Variants in C16orf95 observed in about 807,000 individuals in gnomAD.
The protein encoded by C16orf95 is chromosome 16 open reading frame 95.
C16orf95 carries 41 observed loss-of-function variants against 32.1 expected under a neutral mutation model. The ratio of observed to expected loss-of-function variants is 1.28; its 90% CI spans 1.00 to 1.66. The LOEUF is 1.66. C16orf95 is among the 40% of genes most tolerant of loss of function. The pLI is 0.00. For missense variants in C16orf95, 399 were observed against 325.9 expected (o/e 1.22, Z -1.73); for synonymous variants, 147 against 128.9 (o/e 1.14, Z -0.95).
chr16:87,310,389 G>T (rs976233237), intron 4 of C16orf95, 56 bp from the exon 5 acceptor site: 2 of 1,518,144 alleles, frequency 1.3e-6, no homozygotes, highest in South Asian at 1.2e-5. Flanking sequence ...AAGGGGGAAG[G>T]CCTGGTGATT....
At chr16:87,308,708 G>A (rs2150649722) in intron 5 of C16orf95, among the ~76,000 whole-genome samples, 1 of 152,284 alleles carries the variant, frequency 6.6e-6, no homozygotes, top group East Asian at 1.9e-4. Context: ...GCAAAGCCAT[G>A]TTTTCACTCC....
chr16:87,311,223 C>T lies in C16orf95; in HGVS notation c.404G>A (p.Gly135Asp), dbSNP rs181101593. 7.1e-5 allele frequency: 109 copies of T among 1,535,792 alleles called. No individual in the cohort carries two copies. The Admixed American group carries it at 2.1e-3, about 29-fold the overall frequency. ...MCPCLCHRFG[G>D]RLPMPRDQAV... is the part of the protein sequence containing the mutation. Reference sequence around the variant, plus strand: ...CTGGTCCCTAGGCATCGGGAGGCGGCCCCCAAAGCGGTGGCATAGGCAGGG... The same window carrying T: ...CTGGTCCCTAGGCATCGGGAGGCGGTCCCCAAAGCGGTGGCATAGGCAGGG... The change falls in exon 4 of 7, where the codon GGC becomes GAC. Residue 135 changes from glycine to aspartate, a missense_variant. Gly to Asp is a moderately conservative substitution (Grantham distance 94, BLOSUM62 -1). Transcript: ENST00000567970.
At chr16:87,306,795 G>A (rs1326537555) in intron 5 of C16orf95, among the ~76,000 whole-genome samples, 1 of 152,096 alleles carries the variant, frequency 6.6e-6, no homozygotes, top group Non-Finnish European at 1.5e-5. Flanking sequence ...ATGGGTTTGA[G>A]GCTTGAAACA....
chr16:87,317,123 C>T lies in C16orf95; in HGVS notation c.120G>A (p.Arg40=), dbSNP rs1304160409. The stretch of plus-strand genomic sequence containing the variant: ...CCTGCGCGCTGGGTGTGAGTGCCAA[C>T]CTGCAGAGCCCGACGCACCCCGCGC... ...GPGAGCVGLC[R]LALTPSAQDG... The change falls in exon 1 of 7, where the codon AGG becomes AGA. Residue 40 remains arginine, a synonymous_variant. Transcript: ENST00000567970. 7 of 1,532,456 alleles carry T rather than the reference C, an allele frequency of 4.6e-6. No individual in the cohort carries two copies. The highest frequency in any genetic ancestry group is 6.1e-6 in the Non-Finnish European group (7 of 1,144,830). 94.9% of individuals were successfully genotyped at this position (1,532,456 alleles called of 1,614,324 possible).
intron 2 of C16orf95, among the ~76,000 whole-genome samples, 178 bp from the exon 3 acceptor site, chr16:87,315,274 G>C (rs1177701118): frequency 1.3e-5 from 2 of 152,188 alleles, no homozygotes; most frequent in Admixed American, 6.5e-5. Flanking sequence ...GGCCTCCAAG[G>C]TCATTTGGAG....
At chr16:87,304,596 C>T (rs1376100823) in intron 6 of C16orf95, among the ~76,000 whole-genome samples, 2 of 152,268 alleles carry the variant, frequency 1.3e-5, no homozygotes, top group Admixed American at 1.3e-4. Context: ...GAGCTCACCG[C>T]GCCCGCTCCT....
intron 5 of C16orf95, 107 bp from the exon 6 acceptor site, chr16:87,306,012 C>A (rs1025404768): frequency 2.3e-6 from 2 of 860,462 alleles, no homozygotes; most frequent in African/African-American, 3.6e-5. Flanking sequence ...ATGGGGACTT[C>A]CAGGACCCAG....
At chr16:87,309,100 G>C (rs138866669) in intron 5 of C16orf95, among the ~76,000 whole-genome samples, 24 of 152,222 alleles carry the variant, frequency 1.6e-4, no homozygotes, top group African/African-American at 5.3e-4. Context: ...CCATAAACTT[G>C]TCATAAAGCA....
chr16:87,310,869 G>T (rs1394240749), intron 4 of C16orf95, among the ~76,000 whole-genome samples: 1 of 152,148 alleles, frequency 6.6e-6, no homozygotes, highest in East Asian at 1.9e-4. Flanking sequence ...AGCAGCAGCA[G>T]CAGTGGGTGC....
intron 1 of C16orf95, 59 bp from the exon 2 acceptor site, chr16:87,315,882 G>C (rs1904321460): frequency 2.2e-6 from 3 of 1,365,330 alleles, no homozygotes; most frequent in South Asian, 1.4e-5. Flanking sequence ...AGGGATGCTA[G>C]AGCACAGGCC....
At chr16:87,312,264 G>C (rs932664676) in intron 3 of C16orf95, among the ~76,000 whole-genome samples, 1 of 152,190 alleles carries the variant, frequency 6.6e-6, no homozygotes, top group Non-Finnish European at 1.5e-5. Context: ...CGTAGTGGTA[G>C]AGGCTATTAG....
rs1555544929 is a variant in C16orf95 at position 87,305,486 on chromosome 16, G to GCCCCACGAGGCCCCTGCCGC, written c.701+232_701+233insGCGGCAGGGGCCTCGTGGGG. 7.4e-6 allele frequency among the ~76,000 whole-genome samples: 1 copy of GCCCCACGAGGCCCCTGCCGC among 135,300 alleles called. No homozygotes were observed. Among genetic ancestry groups the GCCCCACGAGGCCCCTGCCGC allele is most frequent in the African/African-American group, 2.7e-5 (1 of 36,838 alleles). 88.8% of individuals were successfully genotyped at this position (135,300 alleles called of 152,430 possible). A position where few individuals can be genotyped will look rare whatever the true frequency, so the allele number is the denominator to read the frequency against. ...TTGGGAAGAGGGAAGGGGTGGAAGT[G>GCCCCACGAGGCCCCTGCCGC]CCCCACGAGGCCCCCGCCGCCCCCA... On this transcript the variant is annotated intron_variant, in intron 6 of 6. Transcript: ENST00000567970. This position sits in a 1 kb window ranked among gnomAD's most constrained non-coding sequence, Gnocchi z 4.2.
intron 1 of C16orf95, 132 bp downstream of exon 1, chr16:87,316,959 G>T: frequency 7.4e-7 from 1 of 1,351,738 alleles, no homozygotes; most frequent in Non-Finnish European, 9.6e-7. Flanking sequence ...TTTTTGTTAA[G>T]CCAATGTAAG....
At position 87,305,847 on chromosome 16, in the gene C16orf95, G is replaced by T; in HGVS notation, c.573C>A (p.Cys191Ter). The stretch of plus-strand genomic sequence containing the variant: ...GGAGCTGCTGGAACTTGGACAACAG[G>T]CACTCATCACCGCAGATCCGCCAGC... ...HNCWRICGDE[C>*]LLSKFQQLQA... The change falls in exon 6 of 7, where the codon TGC becomes TGA. Residue 191 changes from cysteine (C) to a stop codon, truncating the protein, a stop_gained. Coordinates refer to ENST00000567970, the MANE Select transcript of C16orf95 (RefSeq NM_001195124.3). LOFTEE classifies it high-confidence loss of function. The surrounding 1 kb of genome is among the most constrained non-coding windows in gnomAD (Gnocchi z 4.2). The T allele has an allele frequency of 6.8e-7, 1 of 1,479,936 alleles. No homozygotes were observed. The highest frequency in any genetic ancestry group is 8.9e-7 in the Non-Finnish European group (1 of 1,121,450). 91.7% of individuals were successfully genotyped at this position (1,479,936 alleles called of 1,614,324 possible).
intron 1 of C16orf95, among the ~76,000 whole-genome samples, chr16:87,316,364 T>C (rs1384531073): frequency 2.6e-5 from 4 of 152,120 alleles, no homozygotes; most frequent in Non-Finnish European, 5.9e-5. Context: ...CCCAACAAAC[T>C]GCTTGAATGT....
At position 87,305,654 on chromosome 16, in the gene C16orf95, G is replaced by A. The variant is rs1033804063; in HGVS notation, c.701+65C>T. ...CTTCCACATCCCTGATGGCCACCAA[G>A]CCTCCCTCAGGTGGACGTCACCATG... On this transcript the variant is annotated intron_variant, in intron 6 of 6. Coordinates refer to ENST00000567970, the MANE Select transcript of C16orf95 (RefSeq NM_001195124.3). The surrounding 1 kb of genome is among the most constrained non-coding windows in gnomAD (Gnocchi z 4.2). 1 of 1,383,438 alleles carries A rather than the reference G, an allele frequency of 7.2e-7. No homozygotes were observed. The highest frequency in any genetic ancestry group is 1.5e-5 in the African/African-American group (1 of 67,358). The allele number at this position is 1,383,438 out of a possible 1,614,324, so 85.7% of individuals were successfully genotyped here. A position where few individuals can be genotyped will look rare whatever the true frequency, so the allele number is the denominator to read the frequency against.
chr16:87,313,193 TAA>T (rs56015859), intron 3 of C16orf95, among the ~76,000 whole-genome samples: 6 of 139,762 alleles, frequency 4.3e-5, no homozygotes, highest in Admixed American at 2.1e-4. Context: ...ACATGGAAAT[TAA>T]AAAAAAAAAA....
At chr16:87,303,177 G>T in intron 6 of C16orf95, 102 bp from the exon 7 acceptor site, 1 of 1,151,814 alleles carries the variant, frequency 8.7e-7, no homozygotes. Flanking sequence ...GAAGGCAGAG[G>T]CGCTCCACAG....
At chr16:87,304,904 C>G (rs1248908442) in intron 6 of C16orf95, among the ~76,000 whole-genome samples, 1 of 152,246 alleles carries the variant, frequency 6.6e-6, no homozygotes, top group Non-Finnish European at 1.5e-5. Flanking sequence ...CTTGCAATTG[C>G]ATGGAGGAGA....
Sources: allele counts gnomAD v4.1 joint callset (sites outside exome capture counted in the v4.1 genomes callset), GRCh38; gene constraint gnomAD v4.1.1; non-coding constraint Gnocchi (gnomAD v3.1); transcripts MANE v1.5; gene names NCBI Gene and HGNC (gene_info 2026-07-23, HGNC 2026-07-21).